RNF213: variants seen among roughly 807,000 people sequenced by gnomAD.
RNF213 encodes the protein E3 ubiquitin-protein ligase RNF213.
RNF213 carries 341 observed loss-of-function variants against 514.4 expected under a neutral mutation model. That is an observed-to-expected ratio of 0.66 (90% CI 0.61 to 0.73). The LOEUF is 0.73. RNF213 is among the 30% of genes least tolerant of loss of function. The probability of loss-of-function intolerance (pLI) is 0.00; values close to 1 mark genes in which losing one functional copy is unlikely to be tolerated. For missense variants in RNF213, 5,767 were observed against 6,615.6 expected, an observed-to-expected ratio of 0.87 and a Z score of 4.45; for synonymous variants, 2,655 against 2,658.2, an observed-to-expected ratio of 1.00 and a Z score of 0.04.
chr17:80,291,136 T>C (rs1007968861), intron 7 of RNF213, among the ~76,000 whole-genome samples: 2 of 152,104 alleles, frequency 1.3e-5, no homozygotes, highest in South Asian at 2.1e-4. Flanking sequence ...ATCCAGTGAG[T>C]TGATGACATT....
chr17:80,287,640 C>A (rs564711075), intron 3 of RNF213, among the ~76,000 whole-genome samples, 175 bp from the exon 4 acceptor site: 2 of 152,214 alleles, frequency 1.3e-5, no homozygotes, highest in African/African-American at 4.8e-5. Context: ...GCCCACCCCC[C>A]ACTTTTGTTT....
chr17:80,389,254 G>A lies in RNF213; in HGVS notation c.15082G>A (p.Val5028Ile), dbSNP rs8072774. ...CGATGCCTGTGAAGTGCTGTCTGTCGTAGAAGTCACTCTGGGGTTTCTGAG... is the reference window on the plus strand; with the variant it reads ...CGATGCCTGTGAAGTGCTGTCTGTCATAGAAGTCACTCTGGGGTTTCTGAG... ...YSDACEVLSV[V>I]EVTLGFLSTA... The change falls in exon 65 of 68, where the codon GTA becomes ATA. Residue 5028 changes from valine (V) to isoleucine (I), a missense_variant. By Grantham distance (29) the Val-to-Ile change is conservative. Coordinates refer to ENST00000582970, the MANE Select transcript of RNF213 (RefSeq NM_001256071.3). 0.099 allele frequency: 159,072 copies of A among 1,614,020 alleles called. 9,619 individuals carry two copies. The highest frequency in any genetic ancestry group is 0.27 in the African/African-American group (20,088 of 74,970).
Position 80,291,669 on chromosome 17 carries a change from G to A in RNF213, c.1313G>A (p.Cys438Tyr). 6.2e-7 allele frequency: 1 copy of A among 1,614,212 alleles called. No homozygotes were observed. Residue 438 changes from cysteine (C) to tyrosine (Y), a missense_variant, in exon 8 of 68, where the codon TGC becomes TAC. By Grantham distance (194) the Cys-to-Tyr change is radical. Around this residue, in one of 13 missense-constraint regions of RNF213, gnomAD observed 592 missense variants for 673.9 expected, o/e 0.88. Coordinates refer to ENST00000582970, the MANE Select transcript of RNF213 (RefSeq NM_001256071.3). ...HDRVLVEGIVCISKKHLDKYI... is the reference protein window; with the variant it reads ...HDRVLVEGIVYISKKHLDKYI... The stretch of plus-strand genomic sequence containing the variant: ...CGCGTTCTTGTTGAAGGCATTGTCT[G>A]CATTTCCAAGAAGCACCTAGATAAA...
rs373962910 is a variant in RNF213 at position 80,345,205 on chromosome 17, G to A, written c.6870G>A (p.Ala2290=). The change falls in exon 29 of 68, where the codon GCG becomes GCA. Residue 2290 remains alanine, a synonymous_variant. Coordinates refer to ENST00000582970, the MANE Select transcript of RNF213 (RefSeq NM_001256071.3). The surrounding 1 kb of genome is among the most constrained non-coding windows in gnomAD (Gnocchi z 6.0). ...ATGGGGTTAGGGAAGAAGATCTAGC[G>A]CCCTTCTCCCTCCGGAAGAGGTGGG... ...TMDGVREEDL[A]PFSLRKRWES... is the part of the protein sequence containing the mutation. 347 of 1,614,060 alleles carry A rather than the reference G, an allele frequency of 2.1e-4. 2 individuals are homozygous for A. In the South Asian group the frequency reaches 3.4e-3, roughly 16 times the overall value.
intron 28 of RNF213, 74 bp downstream of exon 28, chr17:80,344,089 G>A: frequency 6.6e-7 from 1 of 1,517,900 alleles, no homozygotes; most frequent in South Asian, 1.2e-5. Context: ...AAGTGGAATG[G>A]CGCGTTTAGG....
chr17:80,351,675 C>A lies in RNF213; in HGVS notation c.10185-10C>A. 2.3e-6 allele frequency: 3 copies of A among 1,292,236 alleles called. No homozygotes were observed. Among genetic ancestry groups the A allele is most frequent in the Non-Finnish European group, 3.3e-6 (3 of 905,114 alleles). The allele number at this position is 1,292,236 out of a possible 1,614,324, so 80.0% of individuals were successfully genotyped here. A position where few individuals can be genotyped will look rare whatever the true frequency, so the allele number is the denominator to read the frequency against. On this transcript the variant is annotated splice_polypyrimidine_tract_variant and intron_variant, in intron 31 of 67. Coordinates refer to ENST00000582970, the MANE Select transcript of RNF213 (RefSeq NM_001256071.3). ...TTAAAATAGGTATTCTTTTTTTTTT[C>A]TTTAAATAGGTATTCTGTTATAAAT... is the stretch of plus-strand genomic sequence containing the variant.
chr17:80,375,553 AG>A (rs2079716650), intron 50 of RNF213, among the ~76,000 whole-genome samples: 1 of 139,584 alleles, frequency 7.2e-6, no homozygotes, highest in East Asian at 2.7e-4. Flanking sequence ...AAAAAAAAAA[AG>A]AATTAGCCGG....
intron 11 of RNF213, among the ~76,000 whole-genome samples, chr17:80,303,618 C>T (rs2045257782): frequency 6.8e-6 from 1 of 147,076 alleles, no homozygotes; most frequent in Non-Finnish European, 1.5e-5. Context: ...GGCTGGAGTA[C>T]AGTGGCGCGA....
rs1177337010 is a variant in RNF213, at chr17:80,380,991, T to C, written c.13797+4T>C. On this transcript the variant is annotated splice_donor_region_variant and intron_variant, in intron 56 of 67. Coordinates refer to ENST00000582970, the MANE Select transcript of RNF213 (RefSeq NM_001256071.3). ...GGGAGCGTCCCAGAGTTCCCAGGTA[T>C]AACCCAGTGCTGCCAAACAATGGGC... 6.2e-7 allele frequency: 1 copy of C among 1,614,092 alleles called. No homozygotes were observed. Among genetic ancestry groups the C allele is most frequent in the Non-Finnish European group, 8.5e-7 (1 of 1,180,032 alleles).
At chr17:80,277,073 CCAA>C (rs1372012915) in intron 3 of RNF213, among the ~76,000 whole-genome samples, 1 of 148,634 alleles carries the variant, frequency 6.7e-6, no homozygotes, top group Non-Finnish European at 1.5e-5. Context: ...AGCAAACAAA[CCAA>C]AAAAAAAACA....
At chr17:80,269,454 A>G (rs1320935411) in intron 2 of RNF213, among the ~76,000 whole-genome samples, 6 of 146,242 alleles carry the variant, frequency 4.1e-5, no homozygotes, top group Admixed American at 1.4e-4. Flanking sequence ...CCATCCATCT[A>G]TTCATCCATC....
At chr17:80,363,987 G>C (rs1002705504) in intron 41 of RNF213, among the ~76,000 whole-genome samples, 197 bp downstream of exon 41, 5 of 152,240 alleles carry the variant, frequency 3.3e-5, no homozygotes, top group Non-Finnish European at 7.3e-5. Context: ...AGACACGAGA[G>C]GCGGCTGTGC....
Position 80,264,646 on chromosome 17 carries a change from G to T in RNF213, c.97+868G>T, listed in dbSNP as rs528030869. On this transcript the variant is annotated intron_variant, in intron 2 of 67. Transcript: ENST00000582970. The surrounding 1 kb of genome is among the most constrained non-coding windows in gnomAD (Gnocchi z 5.0). ...TTCCTCCATGACCCACATGCAGAGG[G>T]CCCTGCTGGTCTCCCCGCCTCCACG... Among the ~76,000 whole-genome samples, 1 of 152,022 alleles carries T rather than the reference G, an allele frequency of 6.6e-6. No individual in the cohort carries two copies. Among genetic ancestry groups the T allele is most frequent in the Admixed American group, 6.6e-5 (1 of 15,234 alleles).
Position 80,367,720 on chromosome 17 carries a change from A to G in RNF213, c.11872-28A>G, listed in dbSNP as rs374288665. The stretch of plus-strand genomic sequence containing the variant: ...GCCGCCCTCAGCCCTCCCCCCTGCT[A>G]ATGACTCCTGTCCCTGCCTTTCTTC... On this transcript the variant is annotated intron_variant, in intron 42 of 67. Coordinates refer to ENST00000582970, the MANE Select transcript of RNF213 (RefSeq NM_001256071.3). 4.3e-5 allele frequency: 69 copies of G among 1,598,068 alleles called. 1 individual carries two copies. The African/African-American group carries it at 7.8e-4, about 18-fold the overall frequency.
intron 2 of RNF213, among the ~76,000 whole-genome samples, chr17:80,270,866 C>T (rs1382047547): frequency 6.6e-6 from 1 of 152,222 alleles, no homozygotes; most frequent in Non-Finnish European, 1.5e-5. Context: ...ATCCTGACAG[C>T]TCTGCCCTTC....
In RNF213 at chr17:80,288,347, G is replaced by T. The variant is rs1180914121; in HGVS notation, c.794G>T (p.Gly265Val). Residue 265 changes from glycine (G) to valine (V), a missense_variant, in exon 4 of 68, where the codon GGG (glycine) becomes GTG (valine). Transcript: ENST00000582970. This position sits in a 1 kb window ranked among gnomAD's most constrained non-coding sequence, Gnocchi z 4.9. The stretch of plus-strand genomic sequence containing the variant: ...CTGCAGACCACCGAGCAACAGGCAG[G>T]GGCCTCAGCCTCTATGGTGAGTCAT... ...TELQTTEQQA[G>V]ASASMAVDAV... 6.2e-7 allele frequency: 1 copy of T among 1,612,478 alleles called. No individual in the cohort carries two copies. The highest frequency in any genetic ancestry group is 8.5e-7 in the Non-Finnish European group (1 of 1,180,000).
chr17:80,290,558 G>T lies in RNF213; in HGVS notation c.1113-12G>T, dbSNP rs750488710. ...TCACGGGAATCAGATTTCTGTTTTG[G>T]TTTTCCACCAGCACGCTGAGCCCGG... is the stretch of plus-strand genomic sequence containing the variant. On this transcript the variant is annotated splice_polypyrimidine_tract_variant and intron_variant, in intron 6 of 67. Coordinates refer to ENST00000582970, the MANE Select transcript of RNF213 (RefSeq NM_001256071.3). The T allele has an allele frequency of 8.7e-6, 14 of 1,613,312 alleles. No individual in the cohort carries two copies. The highest frequency in any genetic ancestry group is 4.5e-5 in the East Asian group (2 of 44,902).
rs139456294 is a variant in RNF213, at chr17:80,298,371, C to T, written c.2063C>T (p.Thr688Met). The T allele has an allele frequency of 3.3e-4, 525 of 1,614,120 alleles. 2 individuals carry two copies. In the African/African-American group the frequency reaches 5.6e-3, roughly 17 times the overall value. Residue 688 changes from threonine to methionine, a missense_variant, in exon 11 of 68, where the codon ACG (threonine) becomes ATG (methionine). Thr to Met is a moderately conservative substitution (Grantham distance 81). Coordinates refer to ENST00000582970, the MANE Select transcript of RNF213 (RefSeq NM_001256071.3). ...TGCCAAAGATGCATGGACACAAGGA[C>T]GTACACCTGGCTGGGCGCCCTGCCT... ...NLCQRCMDTR[T>M]YTWLGALPVL... is the part of the protein sequence containing the mutation.
chr17:80,260,879 A>G lies in RNF213; in HGVS notation c.-132A>G, dbSNP rs1185213831. 6.7e-6 allele frequency: 1 copy of G among 149,322 alleles called. No homozygotes were observed. 9.2% of individuals were successfully genotyped at this position (149,322 alleles called of 1,614,324 possible). A position where few individuals can be genotyped will look rare whatever the true frequency, so the allele number is the denominator to read the frequency against. On this transcript the variant is annotated 5_prime_UTR_variant, in exon 1 of 68. Coordinates refer to ENST00000582970, the MANE Select transcript of RNF213 (RefSeq NM_001256071.3). ...GACCCGAGGGGCGACAGCGCGCGGC[A>G]GGCGGCGAGCTCGGGGGCCGCAGGT... is the stretch of plus-strand genomic sequence containing the variant.
Sources: allele counts gnomAD v4.1 joint callset (sites outside exome capture counted in the v4.1 genomes callset), GRCh38; gene constraint gnomAD v4.1.1; regional missense constraint gnomAD v4.1.1; non-coding constraint Gnocchi (gnomAD v3.1); transcripts MANE v1.5; gene names NCBI Gene and HGNC (gene_info 2026-07-23, HGNC 2026-07-21).